Variants in SLC22A12 observed in about 807,000 individuals in gnomAD.
SLC22A12 encodes the protein organic anion transporter 4-like protein.
Under a neutral mutation model 52.7 loss-of-function variants are expected in SLC22A12, and 56 were observed. That is an observed-to-expected ratio of 1.06 (90% CI 0.86 to 1.33). The LOEUF (loss-of-function observed/expected upper bound fraction) is 1.33. Ranked by LOEUF, SLC22A12 falls within the 40% of genes most tolerant of loss-of-function variation. The pLI is 0.00. For missense variants in SLC22A12, 683 were observed against 741.5 expected, an observed-to-expected ratio of 0.92 and a Z score of 0.92; for synonymous variants, 337 against 324.6, an observed-to-expected ratio of 1.04 and a Z score of -0.41.
intron 4 of SLC22A12, among the ~76,000 whole-genome samples, chr11:64,595,265 G>A (rs1479074179): frequency 1.5e-5 from 2 of 137,062 alleles, no homozygotes; most frequent in Non-Finnish European, 3.2e-5. Context: ...ATGGATGGAT[G>A]GATGGATGGA....
In SLC22A12 at chr11:64,596,253, T is replaced by TGGATGGATGGAATGGATGGAAGGATG. The variant is rs1554987881; in HGVS notation, c.831-2252_831-2251insATGGATGGAAGGATGGGATGGATGGA. ...TGGATGGATGGATGGATGGAATGGA[T>TGGATGGATGGAATGGATGGAAGGATG]GGATGGATGGATGGATGGATGGATG... On this transcript the variant is annotated intron_variant, in intron 4 of 9. Transcript: ENST00000377574. 5.2e-5 allele frequency among the ~76,000 whole-genome samples: 6 copies of TGGATGGATGGAATGGATGGAAGGATG among 115,442 alleles called. 1 individual carries two copies. The highest frequency in any genetic ancestry group is 2.1e-4 in the African/African-American group (6 of 28,446). The allele number at this position is 115,442 out of a possible 152,430, so 75.7% of individuals were successfully genotyped here.
Position 64,593,495 on chromosome 11 carries a change from C to G in SLC22A12, c.597C>G (p.Tyr199Ter), listed in dbSNP as rs2038987204. Residue 199 changes from tyrosine (Y) to a stop codon, truncating the protein, a stop_gained, in exon 3 of 10, where the codon TAC becomes TAG. Transcript: ENST00000377574. LOFTEE classifies it high-confidence loss of function. ...AAAFAPAFPVYCLFRFLLAFA... is the reference protein window; with the variant it reads ...AAAFAPAFPV Reference sequence around the variant, plus strand: ...CCTTCGCCCCTGCCTTCCCCGTGTACTGCCTGTTCCGCTTCCTGTTGGCCT... The same window carrying G: ...CCTTCGCCCCTGCCTTCCCCGTGTAGTGCCTGTTCCGCTTCCTGTTGGCCT... The G allele has an allele frequency of 6.2e-7, 1 of 1,614,188 alleles. No individual in the cohort carries two copies. Among genetic ancestry groups the G allele is most frequent in the Non-Finnish European group, 8.5e-7 (1 of 1,180,056 alleles).
rs1591407062 is a variant in SLC22A12 at position 64,602,209 on chromosome 11, C to T, written c.*658C>T. ...TCCTACCCACAGTTACAGCCACAAG[C>T]CTGCCTCCTCCCACCCTGCCAGCCT... On this transcript the variant is annotated 3_prime_UTR_variant, in exon 10 of 10. Coordinates refer to ENST00000377574, the MANE Select transcript of SLC22A12 (RefSeq NM_144585.4). The T allele has an allele frequency of 5.9e-6, 1 of 169,230 alleles. No homozygotes were observed. The highest frequency in any genetic ancestry group is 5.5e-5 in the Admixed American group (1 of 18,106). The allele number at this position is 169,230 out of a possible 1,614,324, so 10.5% of individuals were successfully genotyped here.
Position 64,591,966 on chromosome 11 carries a change from C to T in SLC22A12, c.402+8C>T. 2 of 1,609,306 alleles carry T rather than the reference C, an allele frequency of 1.2e-6. No individual in the cohort carries two copies. The highest frequency in any genetic ancestry group is 1.7e-6 in the Non-Finnish European group (2 of 1,179,856). On this transcript the variant is annotated splice_region_variant and intron_variant, in intron 1 of 9. Transcript: ENST00000377574. ...TCCACAATCGTGGCCAAGGTAGGGC[C>T]TCCCCCAGAGCCACTCGAGTCCCAC... is the stretch of plus-strand genomic sequence containing the variant.
Position 64,593,426 on chromosome 11 carries a change from AACCTGGAGCT to A in SLC22A12, c.533_542del (p.Trp178PhefsTer5), listed in dbSNP as rs779190364. 9 of 1,614,166 alleles carry A rather than the reference AACCTGGAGCT, an allele frequency of 5.6e-6. No homozygotes were observed. Among genetic ancestry groups the A allele is most frequent in the Non-Finnish European group, 7.6e-6 (9 of 1,180,038 alleles). ...GCAGGTTTGGGCGCAGGCTGGTGCTAACCTGGAGCTACCTTCAGATGGCTGTGATGGGTAC... is the reference window on the plus strand; with the variant it reads ...GCAGGTTTGGGCGCAGGCTGGTGCTAACCTTCAGATGGCTGTGATGGGTAC... On this transcript the variant is annotated frameshift_variant, in exon 3 of 10. Coordinates refer to ENST00000377574, the MANE Select transcript of SLC22A12 (RefSeq NM_144585.4). LOFTEE classifies it high-confidence loss of function.
intron 6 of SLC22A12, 85 bp from the exon 7 acceptor site, chr11:64,599,591 G>GGCC: frequency 5.0e-5 from 31 of 617,126 alleles, no homozygotes; most frequent in Admixed American, 9.0e-5. Flanking sequence ...CCCACCCTGA[G>GGCC]CCCCCACCGC....
intron 4 of SLC22A12, among the ~76,000 whole-genome samples, chr11:64,595,939 GAT>G (rs2039179510): frequency 4.7e-5 from 2 of 42,158 alleles, no homozygotes; most frequent in African/African-American, 7.9e-5. Context: ...TGGATGGATG[GAT>G]GGATGGATGG....
At position 64,593,528 on chromosome 11, in the gene SLC22A12, G is replaced by A. The variant is rs534958946; in HGVS notation, c.630G>A (p.Val210=). 1.2e-6 allele frequency: 2 copies of A among 1,614,196 alleles called. No individual in the cohort carries two copies. Among genetic ancestry groups the A allele is most frequent in the South Asian group, 2.2e-5 (2 of 91,092 alleles). The change falls in exon 3 of 10, where the codon GTG becomes GTA. Residue 210 remains valine (V), a synonymous_variant. Transcript: ENST00000377574. ...CLFRFLLAFA[V]AGVMMNTGTL... ...TCCGCTTCCTGTTGGCCTTTGCCGT[G>A]GCAGGCGTCATGATGAACACGGGCA...
At position 64,591,761 on chromosome 11, in the gene SLC22A12, C is replaced by A; in HGVS notation, c.205C>A (p.Pro69Thr). 6.2e-7 allele frequency: 1 copy of A among 1,612,986 alleles called. No individual in the cohort carries two copies. Among genetic ancestry groups the A allele is most frequent in the Non-Finnish European group, 8.5e-7 (1 of 1,180,014 alleles). ...GGCCAGCATCCTAGGGAGCTTGAGT[C>A]CTGAGGCCCTCCTGGCTATTTCCAT... Reference protein sequence around the residue: ...AQASILGSLSPEALLAISIPP... With the variant: ...AQASILGSLSTEALLAISIPP... Residue 69 changes from proline (P) to threonine (T), a missense_variant, in exon 1 of 10, where the codon CCT (proline) becomes ACT (threonine). Pro to Thr is a conservative substitution (Grantham distance 38). Transcript: ENST00000377574.
Position 64,593,671 on chromosome 11 carries a change from T to C in SLC22A12, c.698T>C (p.Val233Ala), listed in dbSNP as rs763657926. 6.2e-7 allele frequency: 1 copy of C among 1,614,156 alleles called. No individual in the cohort carries two copies. Among genetic ancestry groups the C allele is most frequent in the Non-Finnish European group, 8.5e-7 (1 of 1,180,040 alleles). Residue 233 changes from valine (V) to alanine (A), a missense_variant, in exon 4 of 10, where the codon GTG becomes GCG. Transcript: ENST00000377574. ...ACGGCGGCACGGGCCCGACCCTTGG[T>C]GATGACCTTGAACTCTCTGGGCTTC... is the stretch of plus-strand genomic sequence containing the variant. ...EWTAARARPLVMTLNSLGFSF... is the reference protein window; with the variant it reads ...EWTAARARPLAMTLNSLGFSF...
intron 4 of SLC22A12, among the ~76,000 whole-genome samples, chr11:64,595,114 TG>T: frequency 8.1e-6 from 1 of 123,160 alleles, no homozygotes; most frequent in African/African-American, 3.1e-5. Flanking sequence ...GATGGATGGA[TG>T]GATGGATGGA....
intron 4 of SLC22A12, among the ~76,000 whole-genome samples, chr11:64,596,277 T>TGGGATGGATGGATGGATGGATGGAG (rs371474330): frequency 2.2e-4 from 1 of 4,528 alleles, no homozygotes; most frequent in African/African-American, 7.4e-4. Context: ...GATGGATGGA[T>TGGGATGGATGGATGGATGGATGGAG]GGATGGATGG....
chr11:64,601,286 C>A (rs1001555231), intron 9 of SLC22A12, among the ~76,000 whole-genome samples: 1 of 152,096 alleles, frequency 6.6e-6, no homozygotes, highest in Non-Finnish European at 1.5e-5. Flanking sequence ...CTCGCAGGCC[C>A]CAGATTCTAC....
Position 64,601,677 on chromosome 11 carries a change from C to A in SLC22A12, c.*126C>A. The A allele has an allele frequency of 1.9e-6, 2 of 1,066,488 alleles. No homozygotes were observed. The highest frequency in any genetic ancestry group is 2.8e-6 in the Non-Finnish European group (2 of 711,696). The allele number at this position is 1,066,488 out of a possible 1,614,324, so 66.1% of individuals were successfully genotyped here. The stretch of plus-strand genomic sequence containing the variant: ...GAGGCTGCCCTCTGAGGTCCCCACT[C>A]TCCCCCAGGGCTGCCCCTCCAGGTG... On this transcript the variant is annotated 3_prime_UTR_variant, in exon 10 of 10. Coordinates refer to ENST00000377574, the MANE Select transcript of SLC22A12 (RefSeq NM_144585.4).
Position 64,591,719 on chromosome 11 carries a change from G to C in SLC22A12, c.163G>C (p.Asp55His), listed in dbSNP as rs1276385062. The C allele has an allele frequency of 1.9e-6, 3 of 1,612,466 alleles. No individual in the cohort carries two copies. The highest frequency in any genetic ancestry group is 1.7e-5 in the Admixed American group (1 of 60,002). ...PSHRCWAPLL[D>H]NSTAQASILG... ...CCACCGCTGCTGGGCACCCCTCCTG[G>C]ACAACAGCACGGCTCAGGCCAGCAT... The change falls in exon 1 of 10, where the codon GAC (aspartate) becomes CAC (histidine). Residue 55 changes from aspartate (D) to histidine (H), a missense_variant. Transcript: ENST00000377574.
rs761765736 is a variant in SLC22A12 at position 64,593,749 on chromosome 11, C to T, written c.776C>T (p.Thr259Ile). ...AAVAYGVRDW[T>I]LLQLVVSVPF... Reference sequence around the variant, plus strand: ...GTGGCCTACGGTGTGCGGGACTGGACACTGCTGCAGCTGGTGGTCTCGGTC... The same window carrying T: ...GTGGCCTACGGTGTGCGGGACTGGATACTGCTGCAGCTGGTGGTCTCGGTC... Residue 259 changes from threonine (T) to isoleucine (I), a missense_variant, in exon 4 of 10, where the codon ACA becomes ATA. Physicochemically the swap from Thr to Ile is moderately conservative, Grantham distance 89. Transcript: ENST00000377574. 6.2e-7 allele frequency: 1 copy of T among 1,613,230 alleles called. No individual in the cohort carries two copies. Among genetic ancestry groups the T allele is most frequent in the Non-Finnish European group, 8.5e-7 (1 of 1,180,024 alleles).
Position 64,594,971 on chromosome 11 carries a change from ATGGATGGATGGATGGG to A in SLC22A12, c.830+1184_830+1199del, listed in dbSNP as rs1282009593. 6.4e-5 allele frequency among the ~76,000 whole-genome samples: 7 copies of A among 108,830 alleles called. 1 individual carries two copies. Among genetic ancestry groups the A allele is most frequent in the African/African-American group, 3.0e-4 (6 of 19,752 alleles). The allele number at this position is 108,830 out of a possible 152,430, so 71.4% of individuals were successfully genotyped here. ...ATGGATGGATGGATGGTTGGAATAG[ATGGATGGATGGATGGG>A]TGGATGGATGGATGGATGGATGGAT... On this transcript the variant is annotated intron_variant, in intron 4 of 9. Coordinates refer to ENST00000377574, the MANE Select transcript of SLC22A12 (RefSeq NM_144585.4).
rs775273951 is a variant in SLC22A12 at position 64,595,829 on chromosome 11, T to TTGAATGGATGG, written c.830+2027_830+2037dup. 2.7e-3 allele frequency among the ~76,000 whole-genome samples: 362 copies of TTGAATGGATGG among 132,222 alleles called. 9 individuals carry two copies. The highest frequency in any genetic ancestry group is 4.6e-3 in the Non-Finnish European group (282 of 61,532). 86.7% of individuals were successfully genotyped at this position (132,222 alleles called of 152,430 possible). ...TTGGAATAGATGGATGGATGGACGG[T>TTGAATGGATGG]TGAATGGATGGATGGATGGATGGAT... On this transcript the variant is annotated intron_variant, in intron 4 of 9. Coordinates refer to ENST00000377574, the MANE Select transcript of SLC22A12 (RefSeq NM_144585.4).
chr11:64,591,489 C>G lies in SLC22A12; in HGVS notation c.-68C>G. ...CCGTGGGGGAAACAGGCCCGTTGCC[C>G]TGGCCTCTTTGCCCTGGGCCAGCCT... On this transcript the variant is annotated 5_prime_UTR_variant, in exon 1 of 10. Coordinates refer to ENST00000377574, the MANE Select transcript of SLC22A12 (RefSeq NM_144585.4). 1 of 1,597,360 alleles carries G rather than the reference C, an allele frequency of 6.3e-7. No individual in the cohort carries two copies. The highest frequency in any genetic ancestry group is 8.5e-7 in the Non-Finnish European group (1 of 1,177,062).
Sources: gnomAD v4.1 joint callset for allele counts (sites outside exome capture counted in the v4.1 genomes callset) on GRCh38, gnomAD v4.1.1 for gene constraint, MANE v1.5 for transcripts, NCBI Gene and HGNC (gene_info 2026-07-23, HGNC 2026-07-21) for gene names.